The following PLCB1 variants were observed in gnomAD, a reference collection of about 807,000 sequenced individuals.
PLCB1 encodes 1-phosphatidylinositol 4,5-bisphosphate phosphodiesterase beta-1.
In PLCB1, 46 loss-of-function variants were observed where a neutral mutation model predicts 161.8. The observed-to-expected ratio is 0.28, with a 90% CI of 0.22 to 0.36. The LOEUF (loss-of-function observed/expected upper bound fraction) is 0.36, where lower values mean the gene tolerates loss of function less well. Ranked by LOEUF, PLCB1 falls within the 10% of genes least tolerant of loss-of-function variation. The pLI is 1.00. For synonymous variants in PLCB1, 517 were observed against 503.7 expected (o/e 1.03, Z -0.35); for missense variants, 1,016 against 1,472.5 (o/e 0.69, Z 5.07).
chr20:8,469,689 T>C (rs1981969458), intron 3 of PLCB1, among the ~76,000 whole-genome samples: 1 of 152,166 alleles, frequency 6.6e-6, no homozygotes, highest in Admixed American at 6.6e-5. Context: ...TTTTCCAGCT[T>C]TGCTTTGTTT....
chr20:8,329,418 G>A (rs1304924113), intron 2 of PLCB1, among the ~76,000 whole-genome samples: 1 of 151,482 alleles, frequency 6.6e-6, no homozygotes, highest in East Asian at 1.9e-4. Context: ...CTCCCAAAGT[G>A]TTGGGATGAC....
At chr20:8,645,304 T>TA (rs11087814) in intron 4 of PLCB1, among the ~76,000 whole-genome samples, 38,037 of 146,784 alleles carry the variant, frequency 0.26, 5,072 homozygotes, top group African/African-American at 0.34. Flanking sequence ...GAATGATCAA[T>TA]AAAAAAAAAT....
intron 7 of PLCB1, among the ~76,000 whole-genome samples, chr20:8,655,085 G>A (rs756319902): frequency 1.3e-5 from 2 of 151,906 alleles, no homozygotes; most frequent in Non-Finnish European, 2.9e-5. Context: ...CATCCAACTC[G>A]CAATGAAAAT....
At position 8,276,986 on chromosome 20, in the gene PLCB1, C is replaced by CTTCTTCTTCTTCTTCTTATTA. The variant is rs869194352; in HGVS notation, c.178-94394_178-94393insCTTCTTCTTCTTCTTATTATT. 6.4e-5 allele frequency among the ~76,000 whole-genome samples: 6 copies of CTTCTTCTTCTTCTTCTTATTA among 93,350 alleles called. No individual in the cohort carries two copies. In the East Asian group the frequency reaches 1.0e-3, roughly 16 times the overall value. The allele number at this position is 93,350 out of a possible 152,430, so 61.2% of individuals were successfully genotyped here. A position where few individuals can be genotyped will look rare whatever the true frequency, so the allele number is the denominator to read the frequency against. On this transcript the variant is annotated intron_variant, in intron 2 of 31. Transcript: ENST00000338037. Reference sequence around the variant, plus strand: ...TCTTCTTCTTCTTCTTCTTCTTCTTCTTATTATTATTATTATTATTATTAT... The same window carrying CTTCTTCTTCTTCTTCTTATTA: ...TCTTCTTCTTCTTCTTCTTCTTCTTCTTCTTCTTCTTCTTCTTATTATTATTATTATTATTATTATTATTAT...
intron 2 of PLCB1, among the ~76,000 whole-genome samples, chr20:8,262,126 G>A (rs960748338): frequency 6.6e-6 from 1 of 152,076 alleles, no homozygotes; most frequent in Non-Finnish European, 1.5e-5. Flanking sequence ...CTGGAGTGCA[G>A]TGGCATGATC....
chr20:8,770,762 A>G (rs1047890311), intron 26 of PLCB1, among the ~76,000 whole-genome samples: 1 of 152,220 alleles, frequency 6.6e-6, no homozygotes, highest in Admixed American at 6.5e-5. Context: ...GGAAGGAGAC[A>G]ATCAGATATG....
chr20:8,274,246 A>G (rs1982422867), intron 2 of PLCB1, among the ~76,000 whole-genome samples: 1 of 152,216 alleles, frequency 6.6e-6, no homozygotes. Context: ...TCTACCACCC[A>G]GAAACAACCA....
chr20:8,751,449 A>G (rs1304184467), intron 23 of PLCB1: 1 of 152,136 alleles, frequency 6.6e-6, no homozygotes, highest in African/African-American at 2.4e-5. Context: ...CAGCACATCA[A>G]ATGGCTTTTC....
At chr20:8,337,835 A>C (rs991481945) in intron 2 of PLCB1, among the ~76,000 whole-genome samples, 10 of 152,172 alleles carry the variant, frequency 6.6e-5, no homozygotes, top group African/African-American at 2.4e-4. Flanking sequence ...TTTAAGATTT[A>C]GTATTCACTC....
chr20:8,174,035 T>C (rs1384616020), intron 2 of PLCB1, among the ~76,000 whole-genome samples: 1 of 152,120 alleles, frequency 6.6e-6, no homozygotes, highest in Non-Finnish European at 1.5e-5. Flanking sequence ...TTTCTATCAC[T>C]GGAGTTGCAG....
intron 31 of PLCB1, among the ~76,000 whole-genome samples, chr20:8,865,819 T>C (rs1453949124): frequency 6.6e-6 from 1 of 152,192 alleles, no homozygotes; most frequent in Admixed American, 6.6e-5. Context: ...AACATTGTCC[T>C]TGGATTTGGC....
chr20:8,272,016 T>C (rs1330074194), intron 2 of PLCB1, among the ~76,000 whole-genome samples: 2 of 152,118 alleles, frequency 1.3e-5, no homozygotes, highest in Non-Finnish European at 2.9e-5. Flanking sequence ...TCAAGATTTT[T>C]TTTGCTTTTA....
chr20:8,440,739 GA>G (rs1980522454), intron 3 of PLCB1, among the ~76,000 whole-genome samples: 1 of 152,094 alleles, frequency 6.6e-6, no homozygotes, highest in African/African-American at 2.4e-5. Flanking sequence ...AGCTTTGCAG[GA>G]AGACTAAAGT....
At chr20:8,772,395 C>A (rs1370729374) in intron 26 of PLCB1, among the ~76,000 whole-genome samples, 3 of 152,128 alleles carry the variant, frequency 2.0e-5, no homozygotes, top group Admixed American at 2.0e-4. Context: ...GCCCTTCTGC[C>A]CCTGTAATTT....
At chr20:8,573,967 AT>A (rs140072823) in intron 3 of PLCB1, among the ~76,000 whole-genome samples, 5,034 of 152,338 alleles carry the variant, frequency 0.033, 274 homozygotes, top group African/African-American at 0.11. Context: ...ATAAATGTAG[AT>A]TTTTTTAAGG....
chr20:8,679,683 T>G (rs1379760942), intron 9 of PLCB1, among the ~76,000 whole-genome samples: 1 of 152,198 alleles, frequency 6.6e-6, no homozygotes, highest in Non-Finnish European at 1.5e-5. Flanking sequence ...CAGCTGGAAG[T>G]GGTACAAACA....
At chr20:8,856,052 T>A (rs1454440936) in intron 31 of PLCB1, among the ~76,000 whole-genome samples, 1 of 152,108 alleles carries the variant, frequency 6.6e-6, no homozygotes, top group Non-Finnish European at 1.5e-5. Context: ...ACAATACTGG[T>A]TTCTCCCCCT....
intron 3 of PLCB1, among the ~76,000 whole-genome samples, chr20:8,522,796 A>G (rs1405132720): frequency 6.6e-6 from 1 of 152,220 alleles, no homozygotes; most frequent in Non-Finnish European, 1.5e-5. Flanking sequence ...TTTGTACATT[A>G]TTTCAAACAT....
chr20:8,740,971 G>T (rs1600290104), intron 22 of PLCB1, among the ~76,000 whole-genome samples: 1 of 152,172 alleles, frequency 6.6e-6, no homozygotes, highest in East Asian at 1.9e-4. Flanking sequence ...GCTAGGCACT[G>T]CCCTTCAAAT....
Sources: allele counts gnomAD v4.1 joint callset (sites outside exome capture counted in the v4.1 genomes callset), GRCh38; gene constraint gnomAD v4.1.1; transcripts MANE v1.5; gene names NCBI Gene and HGNC (gene_info 2026-07-23, HGNC 2026-07-21).